The following PTPRE variants were observed in gnomAD, a reference collection of about 807,000 sequenced individuals.
PTPRE encodes protein tyrosine phosphatase receptor type E.
A neutral mutation model predicts 102.0 loss-of-function variants in PTPRE; 51 were observed. The observed-to-expected ratio is 0.50, with a 90% CI of 0.40 to 0.63. The LOEUF (loss-of-function observed/expected upper bound fraction) is 0.63. PTPRE is among the 30% of genes least tolerant of loss of function. PTPRE has a pLI of 0.00. For missense variants in PTPRE, 752 were observed against 915.1 expected (o/e 0.82, Z 2.30); for synonymous variants, 345 against 348.2 (o/e 0.99, Z 0.10).
At chr10:127,957,958 T>C (rs1430762788) in intron 1 of PTPRE, among the ~76,000 whole-genome samples, 1 of 152,250 alleles carries the variant, frequency 6.6e-6, no homozygotes, top group Non-Finnish European at 1.5e-5. Flanking sequence ...CTAATATAAA[T>C]AGGATTGTGT....
intron 19 of PTPRE, among the ~76,000 whole-genome samples, chr10:128,078,652 C>A (rs1851434238): frequency 6.6e-6 from 1 of 152,218 alleles, no homozygotes; most frequent in Admixed American, 6.5e-5. Flanking sequence ...CTGGACCCCA[C>A]CGGGGTGCAC....
At chr10:128,036,791 G>T (rs909953275) in intron 2 of PTPRE, among the ~76,000 whole-genome samples, 1 of 152,068 alleles carries the variant, frequency 6.6e-6, no homozygotes, top group African/African-American at 2.4e-5. Flanking sequence ...AGACCAATAC[G>T]TCTCAAATAT....
rs1476160188 is a variant in PTPRE, at chr10:127,944,337, G to T, written c.-31+37028G>T. On this transcript the variant is annotated intron_variant, in intron 1 of 20. Transcript: ENST00000254667. The surrounding 1 kb of genome is among the most constrained non-coding windows in gnomAD (Gnocchi z 4.2). Reference sequence around the variant, plus strand: ...TAAATATTGATTGAATGGCTAAATGGTGGGTGGGTGGATGGATGGATGGAC... The same window carrying T: ...TAAATATTGATTGAATGGCTAAATGTTGGGTGGGTGGATGGATGGATGGAC... Among the ~76,000 whole-genome samples the T allele has an allele frequency of 6.6e-6, 1 of 152,188 alleles. No homozygotes were observed. The highest frequency in any genetic ancestry group is 2.4e-5 in the African/African-American group (1 of 41,448).
chr10:127,910,127 A>G (rs1398396764), intron 1 of PTPRE, among the ~76,000 whole-genome samples: 1 of 152,236 alleles, frequency 6.6e-6, no homozygotes, highest in Admixed American at 6.5e-5. Context: ...CCATTAGGGT[A>G]AAGACTGGCC....
intron 1 of PTPRE, among the ~76,000 whole-genome samples, chr10:127,958,204 G>T (rs1849539951): frequency 1.3e-5 from 2 of 152,106 alleles, no homozygotes; most frequent in East Asian, 1.9e-4. Context: ...TCTTGTCTCT[G>T]CAATAACCAT....
At chr10:128,060,202 A>G (rs982659735) in intron 7 of PTPRE, among the ~76,000 whole-genome samples, 3 of 149,524 alleles carry the variant, frequency 2.0e-5, no homozygotes, top group African/African-American at 7.4e-5. Flanking sequence ...CACATGCACC[A>G]TACACACCAC....
chr10:128,063,100 G>C lies in PTPRE; in HGVS notation c.643G>C (p.Val215Leu). 6.2e-7 allele frequency: 1 copy of C among 1,614,204 alleles called. No homozygotes were observed. The highest frequency in any genetic ancestry group is 8.5e-7 in the Non-Finnish European group (1 of 1,180,034). Residue 215 changes from valine to leucine, a missense_variant, in exon 10 of 21, where the codon GTT (valine) becomes CTT (leucine). Coordinates refer to ENST00000254667, the MANE Select transcript of PTPRE (RefSeq NM_006504.6). The stretch of plus-strand genomic sequence containing the variant: ...ACACACAGGTCCCAAACAGGAAACG[G>C]TTAACGACTTCTGGAGAATGGTCTG... ...IAAQGPKQETVNDFWRMVWEQ... is the reference protein window; with the variant it reads ...IAAQGPKQETLNDFWRMVWEQ...
At chr10:128,045,666 G>A (rs1022696982) in intron 3 of PTPRE, among the ~76,000 whole-genome samples, 7 of 152,294 alleles carry the variant, frequency 4.6e-5, no homozygotes, top group African/African-American at 1.4e-4. Flanking sequence ...TTGCTCCAGG[G>A]CCCTGGCAGA....
At chr10:127,921,689 C>A (rs1846620479) in intron 1 of PTPRE, among the ~76,000 whole-genome samples, 1 of 152,194 alleles carries the variant, frequency 6.6e-6, no homozygotes, top group South Asian at 2.1e-4. Context: ...CCGAGAGCCT[C>A]CTGCTTGGAC....
At chr10:128,076,875 T>C in intron 18 of PTPRE, 147 bp downstream of exon 18, 3 of 1,136,264 alleles carry the variant, frequency 2.6e-6, no homozygotes, top group Non-Finnish European at 3.8e-6. Context: ...GCCAATGGGT[T>C]TCAGAGACAG....
In PTPRE at chr10:128,046,465, T is replaced by C. The variant is rs188937044; in HGVS notation, c.110-925T>C. On this transcript the variant is annotated intron_variant, in intron 3 of 20. Transcript: ENST00000254667. ...AGAAACCCGGGAGCCAAGGCAGTCA[T>C]GCTGAGGCCTGTTCACTCATGGCAG... Among the ~76,000 whole-genome samples the C allele has an allele frequency of 2.0e-4, 31 of 152,334 alleles. No individual in the cohort carries two copies. In the East Asian group the frequency reaches 6.0e-3, roughly 29 times the overall value.
intron 1 of PTPRE, among the ~76,000 whole-genome samples, chr10:127,949,292 G>T (rs2135335222): frequency 6.6e-6 from 1 of 152,244 alleles, no homozygotes; most frequent in South Asian, 2.1e-4. Flanking sequence ...ATCTAGCTAT[G>T]CATATTCTAT....
chr10:128,072,321 A>T, intron 16 of PTPRE, 107 bp downstream of exon 16: 1 of 1,062,788 alleles, frequency 9.4e-7, no homozygotes, highest in Non-Finnish European at 1.4e-6. Context: ...ACATGTTTCC[A>T]GAAACTCAGC....
chr10:127,919,185 C>A (rs898594331), intron 1 of PTPRE, among the ~76,000 whole-genome samples: 2 of 152,194 alleles, frequency 1.3e-5, no homozygotes, highest in African/African-American at 4.8e-5. Context: ...CCCTTCAATG[C>A]ATTGTCTTCA....
intron 1 of PTPRE, among the ~76,000 whole-genome samples, chr10:127,915,779 T>C (rs1846162071): frequency 6.6e-6 from 1 of 150,676 alleles, no homozygotes; most frequent in Non-Finnish European, 1.5e-5. Context: ...AATGGAAGTA[T>C]TAAACCTTTA....
chr10:128,081,302 G>A (rs1851689333), intron 20 of PTPRE, among the ~76,000 whole-genome samples: 1 of 152,206 alleles, frequency 6.6e-6, no homozygotes, highest in Non-Finnish European at 1.5e-5. Context: ...ATCCTAGGTA[G>A]GCTTTGGTTG....
intron 1 of PTPRE, among the ~76,000 whole-genome samples, chr10:127,959,629 G>A (rs570495953): frequency 6.6e-6 from 1 of 152,348 alleles, no homozygotes; most frequent in African/African-American, 2.4e-5. Flanking sequence ...GGAAGATGTT[G>A]TGTCCAAAGC....
chr10:127,968,009 GGTGTGTGTGTGTGTGTGT>G (rs142445895), intron 1 of PTPRE, among the ~76,000 whole-genome samples: 1 of 143,134 alleles, frequency 7.0e-6, no homozygotes, highest in Admixed American at 7.1e-5. Flanking sequence ...TTGCTCTATA[GGTGTGTGTGTGTGTGTGT>G]GTGTGTGTGT....
Position 128,041,060 on chromosome 10 carries a change from G to A in PTPRE, c.109+70G>A. On this transcript the variant is annotated intron_variant, in intron 3 of 20. Transcript: ENST00000254667. ...AAGCTCCTGGGACCATTCAGAGGGT[G>A]ATAAAGGGGCTTAGGGTAAGAGAAG... 4 of 1,311,962 alleles carry A rather than the reference G, an allele frequency of 3.0e-6. No homozygotes were observed. The South Asian group carries it at 4.8e-5, about 16-fold the overall frequency. The allele number at this position is 1,311,962 out of a possible 1,614,324, so 81.3% of individuals were successfully genotyped here. A position where few individuals can be genotyped will look rare whatever the true frequency, so the allele number is the denominator to read the frequency against.
Sources: gnomAD v4.1 joint callset for allele counts (sites outside exome capture counted in the v4.1 genomes callset) on GRCh38, gnomAD v4.1.1 for gene constraint, Gnocchi (gnomAD v3.1) non-coding constraint, MANE v1.5 for transcripts, NCBI Gene and HGNC (gene_info 2026-07-23, HGNC 2026-07-21) for gene names.